The following RGS7 variants were observed in gnomAD, a reference collection of about 807,000 sequenced individuals.
RGS7 encodes the protein regulator of G protein signaling 7.
RGS7 carries 27 observed loss-of-function variants against 81.1 expected under a neutral mutation model. That is an observed-to-expected ratio of 0.33 (90% CI 0.25 to 0.46). RGS7 has a LOEUF of 0.46. Among genes scored for constraint, RGS7 ranks in the 20% least tolerant of loss-of-function variants. The pLI is 1.00. For synonymous variants in RGS7, 208 were observed against 207.7 expected (o/e 1.00, Z -0.01); for missense variants, 396 against 607.4 (o/e 0.65, Z 3.66).
chr1:241,071,079 CT>C, intron 3 of RGS7, among the ~76,000 whole-genome samples: 1 of 152,252 alleles, frequency 6.6e-6, no homozygotes, highest in East Asian at 1.9e-4. Flanking sequence ...GGTACTTTTA[CT>C]TTTTTTCTGC....
intron 6 of RGS7, among the ~76,000 whole-genome samples, chr1:240,901,683 A>G (rs1202560664): frequency 1.3e-5 from 2 of 152,054 alleles, no homozygotes; most frequent in African/African-American, 4.8e-5. Context: ...TAATGGCTTG[A>G]CGTTGAGGTC....
chr1:241,027,061 G>A lies in RGS7; in HGVS notation c.176-43932C>T, dbSNP rs137993894. Among the ~76,000 whole-genome samples the A allele has an allele frequency of 2.3e-3, 353 of 151,234 alleles. 1 individual carries two copies. Among genetic ancestry groups the A allele is most frequent in the Admixed American group, 4.3e-3 (66 of 15,194 alleles). ...TAAAAAAAAAAAAAAAAATTAGCCA[G>A]GCGGGGTGGTACGTGCCTGTAGTTC... On this transcript the variant is annotated intron_variant, in intron 3 of 18. Coordinates refer to ENST00000440928, the MANE Select transcript of RGS7 (RefSeq NM_001364886.1).
intron 2 of RGS7, among the ~76,000 whole-genome samples, chr1:241,209,241 A>G (rs987743126): frequency 2.0e-5 from 3 of 152,178 alleles, no homozygotes; most frequent in African/African-American, 7.2e-5. Flanking sequence ...TGACACACTT[A>G]TCTATGTGTG....
At chr1:240,964,988 G>A (rs1682051667) in intron 4 of RGS7, among the ~76,000 whole-genome samples, 1 of 152,090 alleles carries the variant, frequency 6.6e-6, no homozygotes, top group Non-Finnish European at 1.5e-5. Flanking sequence ...CCTTCTTTGT[G>A]GAACTTTATC....
chr1:241,239,441 A>G (rs957005219), intron 2 of RGS7, among the ~76,000 whole-genome samples: 3 of 152,074 alleles, frequency 2.0e-5, no homozygotes, highest in African/African-American at 4.8e-5. Flanking sequence ...CACAAATCTC[A>G]TCATGTCCCC....
In RGS7 at chr1:240,847,866, A is replaced by G. The variant is rs74149506; in HGVS notation, c.610-20694T>C. Among the ~76,000 whole-genome samples, 493 of 152,318 alleles carry G rather than the reference A, an allele frequency of 3.2e-3. 3 individuals carry two copies. Among genetic ancestry groups the G allele is most frequent in the African/African-American group, 0.011 (474 of 41,566 alleles). On this transcript the variant is annotated intron_variant, in intron 9 of 18. Coordinates refer to ENST00000440928, the MANE Select transcript of RGS7 (RefSeq NM_001364886.1). ...AATATCACATTAAGAAAATAACACG[A>G]CATGACCAAGTAGGGTTTATTTATT...
chr1:241,062,952 C>G (rs914553567), intron 3 of RGS7, among the ~76,000 whole-genome samples: 2 of 152,184 alleles, frequency 1.3e-5, no homozygotes, highest in African/African-American at 2.4e-5. Flanking sequence ...ATTATCAACA[C>G]CACTCCATAC....
intron 2 of RGS7, among the ~76,000 whole-genome samples, chr1:241,323,008 C>G (rs748280073): frequency 6.6e-6 from 1 of 152,092 alleles, no homozygotes; most frequent in Non-Finnish European, 1.5e-5. Context: ...CTAAATTCTA[C>G]TAACAGTAAA....
At chr1:241,223,357 T>A (rs1466955965) in intron 2 of RGS7, among the ~76,000 whole-genome samples, 1 of 152,136 alleles carries the variant, frequency 6.6e-6, no homozygotes, top group Non-Finnish European at 1.5e-5. Context: ...CCAAGATTTG[T>A]CCTGATAAAG....
At chr1:241,217,996 T>C (rs1385768429) in intron 2 of RGS7, among the ~76,000 whole-genome samples, 1 of 152,232 alleles carries the variant, frequency 6.6e-6, no homozygotes, top group African/African-American at 2.4e-5. Context: ...CATCTGAGAA[T>C]CAAATATCTG....
intron 6 of RGS7, among the ~76,000 whole-genome samples, chr1:240,910,112 A>T (rs913774010): frequency 1.3e-5 from 2 of 152,190 alleles, no homozygotes; most frequent in Non-Finnish European, 2.9e-5. Context: ...ATCCCTGAAC[A>T]TATTTCGAAC....
intron 3 of RGS7, among the ~76,000 whole-genome samples, chr1:241,036,122 T>A (rs1287987883): frequency 6.6e-6 from 1 of 152,208 alleles, no homozygotes; most frequent in African/African-American, 2.4e-5. Context: ...ACGGATACAA[T>A]ATTTTTAAGA....
intron 2 of RGS7, among the ~76,000 whole-genome samples, chr1:241,119,462 C>T (rs1447015522): frequency 6.6e-6 from 1 of 152,166 alleles, no homozygotes; most frequent in Admixed American, 6.5e-5. Flanking sequence ...CAGTGATTAC[C>T]TGAGATGTAG....
intron 4 of RGS7, among the ~76,000 whole-genome samples, chr1:240,962,073 C>T (rs1681544246): frequency 6.6e-6 from 1 of 152,168 alleles, no homozygotes. Flanking sequence ...GTATTACACA[C>T]GTATGTTCCT....
chr1:241,276,841 TA>T (rs1355336073), intron 2 of RGS7, among the ~76,000 whole-genome samples: 4 of 152,202 alleles, frequency 2.6e-5, no homozygotes, highest in Admixed American at 6.5e-5. Context: ...TTTTCTTGAA[TA>T]AACAAGTCTA....
intron 2 of RGS7, among the ~76,000 whole-genome samples, chr1:241,118,738 C>A (rs183813778): frequency 6.6e-6 from 1 of 152,014 alleles, no homozygotes; most frequent in Non-Finnish European, 1.5e-5. Flanking sequence ...TATGTCCTTC[C>A]CAGCAACATG....
chr1:241,068,238 G>GTGTGTATATATATATATATATA, intron 3 of RGS7, among the ~76,000 whole-genome samples: 2 of 35,650 alleles, frequency 5.6e-5, no homozygotes, highest in African/African-American at 1.9e-4. Context: ...GTGTGTGTGT[G>GTGTGTATATATATATATATATA]TATATATATA....
At chr1:241,133,241 T>C (rs1391236931) in intron 2 of RGS7, among the ~76,000 whole-genome samples, 2 of 152,004 alleles carry the variant, frequency 1.3e-5, no homozygotes, top group East Asian at 1.9e-4. Flanking sequence ...TTACATAAAA[T>C]TGAATATAAA....
intron 3 of RGS7, among the ~76,000 whole-genome samples, chr1:240,997,818 T>C (rs1687525051): frequency 6.6e-6 from 1 of 152,212 alleles, no homozygotes; most frequent in African/African-American, 2.4e-5. Context: ...AGCAAGACTT[T>C]GTCTCAGGAA....
Sources: allele counts gnomAD v4.1 joint callset (sites outside exome capture counted in the v4.1 genomes callset), GRCh38; gene constraint gnomAD v4.1.1; transcripts MANE v1.5; gene names NCBI Gene and HGNC (gene_info 2026-07-23, HGNC 2026-07-21).